The following ATRNL1 variants were observed in gnomAD, a reference collection of about 807,000 sequenced individuals.
ATRNL1 encodes the protein attractin-like protein 1.
A neutral mutation model predicts 182.7 loss-of-function variants in ATRNL1; 95 were observed. The observed-to-expected ratio is 0.52, with a 90% CI of 0.44 to 0.62. The LOEUF is 0.62. Among genes scored for constraint, ATRNL1 ranks in the 20% least tolerant of loss-of-function variants. The pLI is 0.00. For synonymous variants in ATRNL1, 576 were observed against 568.3 expected (o/e 1.01, Z -0.19); for missense variants, 1,471 against 1,679.5 (o/e 0.88, Z 2.17).
At chr10:115,395,557 C>T (rs923681800) in intron 20 of ATRNL1, among the ~76,000 whole-genome samples, 5 of 151,622 alleles carry the variant, frequency 3.3e-5, no homozygotes, top group East Asian at 3.9e-4. Context: ...GTCTCTATGC[C>T]GTTCTTTTTT....
intron 28 of ATRNL1, among the ~76,000 whole-genome samples, chr10:115,913,051 G>A (rs568524646): frequency 2.0e-5 from 3 of 152,342 alleles, no homozygotes; most frequent in African/African-American, 7.2e-5. Context: ...AGCTAGGGCA[G>A]CTGCTGCTGG....
intron 24 of ATRNL1, among the ~76,000 whole-genome samples, chr10:115,483,325 T>G (rs528377502): frequency 7.9e-5 from 12 of 151,544 alleles, no homozygotes; most frequent in African/African-American, 2.9e-4. Context: ...AAAAATTGTT[T>G]AGAAAGAGAG....
intron 17 of ATRNL1, among the ~76,000 whole-genome samples, chr10:115,310,342 C>T (rs1330740786): frequency 1.3e-5 from 2 of 152,018 alleles, no homozygotes; most frequent in African/African-American, 2.4e-5. Context: ...CAGTGTGATA[C>T]TGGCTTCATA....
rs1341734601 is a variant in ATRNL1, at chr10:115,540,233, G to A, written c.3717-9225G>A. 2.0e-5 allele frequency among the ~76,000 whole-genome samples: 3 copies of A among 151,944 alleles called. 1 individual carries two copies. Among genetic ancestry groups the A allele is most frequent in the Non-Finnish European group, 4.4e-5 (3 of 67,970 alleles). ...CTGATCCTAATTAACATTATCATAC[G>A]AAAGAATTGGAGAACTGAGCTCATA... On this transcript the variant is annotated intron_variant, in intron 25 of 28. Coordinates refer to ENST00000355044, the MANE Select transcript of ATRNL1 (RefSeq NM_207303.4).
chr10:115,526,654 C>T (rs1385279036), intron 25 of ATRNL1, among the ~76,000 whole-genome samples: 1 of 152,148 alleles, frequency 6.6e-6, no homozygotes, highest in African/African-American at 2.4e-5. Context: ...GAATCAGTTC[C>T]TCATCTCCAT....
intron 27 of ATRNL1, among the ~76,000 whole-genome samples, chr10:115,826,459 G>T (rs1361101173): frequency 6.6e-6 from 1 of 152,162 alleles, no homozygotes; most frequent in Admixed American, 6.5e-5. Context: ...TGGAGGGAGT[G>T]GCACCCAGCA....
chr10:115,857,216 A>C (rs1365319976), intron 28 of ATRNL1, among the ~76,000 whole-genome samples: 22 of 152,204 alleles, frequency 1.4e-4, no homozygotes, highest in Non-Finnish European at 2.2e-4. Flanking sequence ...TCAACTGTTT[A>C]GATTATTGGC....
chr10:115,327,180 A>G (rs1483341142), intron 18 of ATRNL1, among the ~76,000 whole-genome samples: 1 of 151,814 alleles, frequency 6.6e-6, no homozygotes, highest in African/African-American at 2.4e-5. Flanking sequence ...TTCGCAACCT[A>G]CTCATCTGAC....
At chr10:115,556,787 G>C (rs1441725725) in intron 26 of ATRNL1, among the ~76,000 whole-genome samples, 2 of 150,310 alleles carry the variant, frequency 1.3e-5, no homozygotes, top group Admixed American at 6.7e-5. Context: ...TGTATATCTT[G>C]GACTCCTCCT....
At chr10:115,503,213 C>T (rs1465532220) in intron 24 of ATRNL1, among the ~76,000 whole-genome samples, 7 of 152,000 alleles carry the variant, frequency 4.6e-5, no homozygotes, top group African/African-American at 1.7e-4. Flanking sequence ...TTTTCCTAAG[C>T]AAACCAAAAC....
chr10:115,785,545 A>C (rs1949375766), intron 27 of ATRNL1, among the ~76,000 whole-genome samples: 1 of 152,250 alleles, frequency 6.6e-6, no homozygotes, highest in African/African-American at 2.4e-5. Flanking sequence ...AAGGCCCTCC[A>C]CAGATCTTTT....
chr10:115,104,066 G>T (rs1554865313), intron 1 of ATRNL1, among the ~76,000 whole-genome samples: 1 of 152,112 alleles, frequency 6.6e-6, no homozygotes, highest in African/African-American at 2.4e-5. Flanking sequence ...CCTAGCAGTG[G>T]GATTGCTGAA....
intron 8 of ATRNL1, among the ~76,000 whole-genome samples, chr10:115,191,038 A>T (rs1189366753): frequency 6.6e-6 from 1 of 152,116 alleles, no homozygotes; most frequent in Admixed American, 6.6e-5. Flanking sequence ...GTTGTTGCAG[A>T]TGACAGGATT....
chr10:115,266,213 A>T (rs1317940589), intron 11 of ATRNL1, among the ~76,000 whole-genome samples: 1 of 151,722 alleles, frequency 6.6e-6, no homozygotes, highest in African/African-American at 2.4e-5. Flanking sequence ...GTATTAATTT[A>T]GTATTGTCTA....
chr10:115,288,021 C>T (rs1852713191), intron 15 of ATRNL1, among the ~76,000 whole-genome samples: 1 of 150,298 alleles, frequency 6.7e-6, no homozygotes, highest in South Asian at 2.1e-4. Flanking sequence ...ACAAAATGTC[C>T]TCCACTTCCA....
intron 24 of ATRNL1, among the ~76,000 whole-genome samples, chr10:115,486,770 T>C (rs1849046480): frequency 6.6e-6 from 1 of 152,208 alleles, no homozygotes. Context: ...GTTTTGGCTT[T>C]TGTTGCAATT....
At chr10:115,429,200 A>G (rs1466511033) in intron 21 of ATRNL1, among the ~76,000 whole-genome samples, 3 of 152,018 alleles carry the variant, frequency 2.0e-5, no homozygotes, top group Non-Finnish European at 4.4e-5. Flanking sequence ...GTATTTTTCA[A>G]AATTTTGTTT....
chr10:115,094,862 T>C (rs1481328492), intron 1 of ATRNL1, among the ~76,000 whole-genome samples: 10 of 152,138 alleles, frequency 6.6e-5, no homozygotes, highest in African/African-American at 2.4e-4. Context: ...AATACAAAGG[T>C]GACTTTAGGT....
At chr10:115,930,575 A>G (rs782125077) in intron 28 of ATRNL1, among the ~76,000 whole-genome samples, 8 of 152,300 alleles carry the variant, frequency 5.3e-5, no homozygotes, top group Non-Finnish European at 8.8e-5. Context: ...AAAATATTCA[A>G]CTGGGTCAAT....
Sources: allele counts gnomAD v4.1 joint callset (sites outside exome capture counted in the v4.1 genomes callset), GRCh38; gene constraint gnomAD v4.1.1; transcripts MANE v1.5; gene names NCBI Gene and HGNC (gene_info 2026-07-23, HGNC 2026-07-21).